Variants in LINGO2 observed in about 807,000 individuals in gnomAD.
The protein encoded by LINGO2 is leucine rich repeat and Ig domain containing 2, also known as leucine-rich repeat and immunoglobulin-like domain-containing nogo receptor-interacting protein 2.
In LINGO2, 14 loss-of-function variants were observed where a neutral mutation model predicts 30.6. The observed-to-expected ratio is 0.46, with a 90% confidence interval of 0.30 to 0.72. The LOEUF (loss-of-function observed/expected upper bound fraction) is 0.72. Among genes scored for constraint, LINGO2 ranks in the 30% least tolerant of loss-of-function variants. The pLI, the probability that LINGO2 is intolerant of heterozygous loss-of-function variation, is 0.07. For synonymous variants in LINGO2, 317 were observed against 288.5 expected, an observed-to-expected ratio of 1.10 and a Z score of -1.00; for missense variants, 729 against 751.7, an observed-to-expected ratio of 0.97 and a Z score of 0.35.
intron 1 of LINGO2, among the ~76,000 whole-genome samples, chr9:28,502,518 T>A (rs1819932358): frequency 6.6e-6 from 1 of 152,058 alleles, no homozygotes; most frequent in African/African-American, 2.4e-5. Context: ...AAATGAAAAT[T>A]TATTTTACAC....
At chr9:28,546,327 T>C (rs993224727) in intron 1 of LINGO2, among the ~76,000 whole-genome samples, 1 of 152,076 alleles carries the variant, frequency 6.6e-6, no homozygotes, top group African/African-American at 2.4e-5. Context: ...ATCAGTTCTA[T>C]GTGACATGGG....
chr9:28,498,105 A>G (rs900098034), intron 1 of LINGO2, among the ~76,000 whole-genome samples: 3 of 152,192 alleles, frequency 2.0e-5, no homozygotes, highest in African/African-American at 7.2e-5. Flanking sequence ...CTTGGGGGTC[A>G]GGGACCCACT....
chr9:29,004,485 A>T, the LINGO2 span, among the ~76,000 whole-genome samples: 1 of 151,970 alleles, frequency 6.6e-6, no homozygotes, highest in African/African-American at 2.4e-5. Flanking sequence ...TATGTGGCAC[A>T]ACATCATGCT....
At chr9:28,435,637 C>T (rs1823892024) in intron 2 of LINGO2, among the ~76,000 whole-genome samples, 1 of 152,176 alleles carries the variant, frequency 6.6e-6, no homozygotes. Context: ...TGCAGGCTTA[C>T]ACATTTGTCC....
chr9:28,958,808 G>A, the LINGO2 span, among the ~76,000 whole-genome samples: 1 of 152,068 alleles, frequency 6.6e-6, no homozygotes, highest in African/African-American at 2.4e-5. Context: ...GAGAGAAAGA[G>A]AGGTTGGCCA....
the LINGO2 span, among the ~76,000 whole-genome samples, chr9:28,760,919 TGTG>T: frequency 1.9e-5 from 1 of 51,722 alleles, no homozygotes; most frequent in African/African-American, 8.8e-5. Flanking sequence ...TACGTACGTG[TGTG>T]TGTGTGTGTG....
At chr9:28,927,063 C>A in the LINGO2 span, among the ~76,000 whole-genome samples, 1 of 152,126 alleles carries the variant, frequency 6.6e-6, no homozygotes, top group Non-Finnish European at 1.5e-5. Context: ...TGTTTAGTTT[C>A]TTTTGCATTT....
At chr9:28,395,935 G>T (rs897309229) in intron 2 of LINGO2, among the ~76,000 whole-genome samples, 2 of 151,994 alleles carry the variant, frequency 1.3e-5, no homozygotes, top group Non-Finnish European at 1.5e-5. Flanking sequence ...CTTAAGTTTG[G>T]CCCTTTGGTC....
chr9:28,657,858 A>G (rs1019625901), intron 1 of LINGO2, among the ~76,000 whole-genome samples: 1 of 151,478 alleles, frequency 6.6e-6, no homozygotes, highest in Non-Finnish European at 1.5e-5. Context: ...GATTTGAGAT[A>G]TTTCTTCCTT....
the LINGO2 span, among the ~76,000 whole-genome samples, chr9:29,201,652 G>A: frequency 6.6e-6 from 1 of 151,950 alleles, no homozygotes; most frequent in Admixed American, 6.6e-5. Context: ...TTACTTTTCT[G>A]TACAAACCTC....
In LINGO2 at chr9:28,657,667, G is replaced by A. The variant is rs144943415; in HGVS notation, c.-365+12533C>T. The stretch of plus-strand genomic sequence containing the variant: ...TCTTCCCTTAGTTTGTTTAGCTAAC[G>A]GTTGTCAACATTCTTGCTCTTTTCA... On this transcript the variant is annotated intron_variant, in intron 1 of 5. Transcript: ENST00000379992. 1.7e-4 allele frequency among the ~76,000 whole-genome samples: 26 copies of A among 151,768 alleles called. No homozygotes were observed. The East Asian group carries it at 3.3e-3, about 19-fold the overall frequency.
the LINGO2 span, among the ~76,000 whole-genome samples, chr9:28,861,706 G>A: frequency 6.6e-6 from 1 of 151,976 alleles, no homozygotes. Context: ...CAAGGCTGAA[G>A]TGAGCTATGA....
At chr9:29,025,566 T>C in the LINGO2 span, among the ~76,000 whole-genome samples, 1 of 152,114 alleles carries the variant, frequency 6.6e-6, no homozygotes, top group African/African-American at 2.4e-5. Context: ...GAGGTAAAAT[T>C]GTATGTATTC....
the LINGO2 span, among the ~76,000 whole-genome samples, chr9:29,068,353 C>A: frequency 6.6e-6 from 1 of 151,626 alleles, no homozygotes; most frequent in Non-Finnish European, 1.5e-5. Flanking sequence ...AAATAAGTAA[C>A]AATGTATTTT....
chr9:29,035,518 T>C, the LINGO2 span, among the ~76,000 whole-genome samples: 4 of 148,642 alleles, frequency 2.7e-5, no homozygotes, highest in African/African-American at 9.9e-5. Context: ...CAGGTAGAGA[T>C]GGAAGGTCAG....
upstream of LINGO2, among the ~76,000 whole-genome samples, chr9:28,674,521 T>C (rs912117174): frequency 1.1e-4 from 16 of 152,150 alleles, no homozygotes; most frequent in South Asian, 2.1e-4. Flanking sequence ...ACCCCTGCTT[T>C]AAATAAAAAG....
intron 2 of LINGO2, among the ~76,000 whole-genome samples, chr9:28,379,768 T>G (rs1056709359): frequency 6.6e-6 from 1 of 152,074 alleles, no homozygotes; most frequent in African/African-American, 2.4e-5. Flanking sequence ...GATACCACAT[T>G]TTATAAGATC....
At chr9:28,304,209 T>A (rs914881191) in intron 3 of LINGO2, among the ~76,000 whole-genome samples, 1 of 151,190 alleles carries the variant, frequency 6.6e-6, no homozygotes, top group Admixed American at 6.6e-5. Context: ...TACAGAAATT[T>A]GTTCTTTGAA....
chr9:28,506,488 A>ATG lies in LINGO2; in HGVS notation c.-364-30464_-364-30463insCA, dbSNP rs1491410824. 2.6e-3 allele frequency among the ~76,000 whole-genome samples: 149 copies of ATG among 57,300 alleles called. 6 individuals are homozygous for ATG. Among genetic ancestry groups the ATG allele is most frequent in the African/African-American group, 8.4e-3 (145 of 17,192 alleles). 37.6% of individuals were successfully genotyped at this position (57,300 alleles called of 152,430 possible). The stretch of plus-strand genomic sequence containing the variant: ...TACACACACACACACACATACACAT[A>ATG]CACACACACACACAGACATATATAT... On this transcript the variant is annotated intron_variant, in intron 1 of 5. Transcript: ENST00000379992.
Sources: allele counts gnomAD v4.1 joint callset (sites outside exome capture counted in the v4.1 genomes callset), GRCh38; gene constraint gnomAD v4.1.1; transcripts MANE v1.5; gene names NCBI Gene and HGNC (gene_info 2026-07-23, HGNC 2026-07-21).